PLS3: variants seen among roughly 807,000 people sequenced by gnomAD.
The protein encoded by PLS3 is plastin 3.
A neutral mutation model predicts 46.5 loss-of-function variants in PLS3; 11 were observed. The ratio of observed to expected loss-of-function variants is 0.24; its 90% CI spans 0.15 to 0.39. PLS3 has a LOEUF of 0.39. Among genes scored for constraint, PLS3 ranks in the 10% least tolerant of loss-of-function variants. PLS3 has a pLI of 1.00. For synonymous variants in PLS3, 167 were observed against 162.2 expected, an observed-to-expected ratio of 1.03 and a Z score of -0.22; for missense variants, 308 against 461.8, an observed-to-expected ratio of 0.67 and a Z score of 3.05.
At chrX:115,610,940 C>A in intron 2 of PLS3, 1 of 837,282 alleles carries the variant, frequency 1.2e-6, no homozygotes, top group Non-Finnish European at 1.7e-6. Flanking sequence ...GGAGTATTTA[C>A]ATTCCAAATT....
intron 1 of PLS3, among the ~76,000 whole-genome samples, chrX:115,566,457 C>G (rs1311047997): frequency 9.1e-6 from 1 of 109,718 alleles, no homozygotes. Flanking sequence ...GCCGTGATCT[C>G]GGCTCACTGC....
intron 1 of PLS3, among the ~76,000 whole-genome samples, chrX:115,566,397 G>T (rs1402251498): frequency 5.5e-5 from 6 of 109,334 alleles, no homozygotes; most frequent in Non-Finnish European, 1.1e-4. Context: ...GTTTTGTTTT[G>T]TTTTAAAGAC....
chrX:115,630,052 G>T (rs7052987), intron 5 of PLS3, 85 bp downstream of exon 5: 3 of 650,977 alleles, frequency 4.6e-6, no homozygotes, highest in African/African-American at 4.6e-5. Context: ...TGCTTGACAG[G>T]TTCACCTCAA....
chrX:115,589,153 G>A (rs2074329155), intron 1 of PLS3, among the ~76,000 whole-genome samples: 1 of 110,084 alleles, frequency 9.1e-6, no homozygotes, highest in African/African-American at 3.3e-5. Flanking sequence ...TATTTTTTTT[G>A]TAAAGACAGG....
chrX:115,600,661 C>A (rs1159557083), intron 1 of PLS3, among the ~76,000 whole-genome samples: 3 of 112,370 alleles, frequency 2.7e-5, no homozygotes, highest in Non-Finnish European at 5.6e-5. Flanking sequence ...ATAAACTGAA[C>A]CAAGTAGGAC....
intron 1 of PLS3, 41 bp downstream of exon 1, chrX:115,561,301 G>C (rs928125523): frequency 2.7e-5 from 3 of 111,588 alleles, no homozygotes; most frequent in Non-Finnish European, 5.6e-5. Context: ...AGGGGAGCGG[G>C]TTTCCTGGGC....
intron 5 of PLS3, among the ~76,000 whole-genome samples, chrX:115,632,624 C>T (rs782533308): frequency 3.6e-5 from 4 of 111,409 alleles, no homozygotes; most frequent in African/African-American, 1.3e-4. Context: ...TTGAGGCACT[C>T]GGTAAACATT....
intron 1 of PLS3, among the ~76,000 whole-genome samples, chrX:115,588,390 A>C (rs2074323658): frequency 8.9e-6 from 1 of 112,233 alleles, no homozygotes; most frequent in Non-Finnish European, 1.9e-5. Flanking sequence ...CAGATATGAA[A>C]ACCCAGCTTT....
chrX:115,611,683 A>G (rs2074549984), intron 2 of PLS3, among the ~76,000 whole-genome samples: 1 of 111,971 alleles, frequency 8.9e-6, no homozygotes, highest in Non-Finnish European at 1.9e-5. Context: ...CCTCATGTGC[A>G]GCATCTTGGA....
intron 1 of PLS3, among the ~76,000 whole-genome samples, chrX:115,597,195 G>A (rs1203049801): frequency 4.5e-5 from 5 of 111,246 alleles, no homozygotes; most frequent in Non-Finnish European, 9.4e-5. Flanking sequence ...GAAAATTGGA[G>A]ATGGTTTAAT....
At position 115,604,229 on chromosome X, in the gene PLS3, GGAGAT is replaced by G. The variant is rs1372925602; in HGVS notation, c.-8-6008_-8-6004del. Reference sequence around the variant, plus strand: ...TATACTCTGTAGTCAGTAATTATAGGGAGATGAGATAACTTTTCATTTATCCCATG... The same window carrying G: ...TATACTCTGTAGTCAGTAATTATAGGGAGATAACTTTTCATTTATCCCATG... On this transcript the variant is annotated intron_variant, in intron 1 of 15. Transcript: ENST00000355899. Among the ~76,000 whole-genome samples the G allele has an allele frequency of 3.6e-5, 4 of 111,613 alleles. No homozygotes were observed. In the East Asian group the frequency reaches 1.1e-3, roughly 31 times the overall value.
rs1177697818 is a variant in PLS3, at chrX:115,615,634, AT to A, written c.73+5320del. Among the ~76,000 whole-genome samples, 493 of 108,553 alleles carry A rather than the reference AT, an allele frequency of 4.5e-3. 5 individuals carry two copies. Among genetic ancestry groups the A allele is most frequent in the African/African-American group, 0.016 (464 of 29,872 alleles). The allele number at this position is 108,553 out of a possible 115,157, so 94.3% of individuals were successfully genotyped here. On this transcript the variant is annotated intron_variant, in intron 2 of 15. Transcript: ENST00000355899. The stretch of plus-strand genomic sequence containing the variant: ...GTGCAGCACTGGGAGCTGCGTAGTG[AT>A]TTTTTTTTAAGTATCATAATTTTCT...
At chrX:115,568,544 A>C (rs2074191829) in intron 1 of PLS3, among the ~76,000 whole-genome samples, 1 of 111,971 alleles carries the variant, frequency 8.9e-6, no homozygotes, top group South Asian at 3.7e-4. Flanking sequence ...AATTTATTTC[A>C]CTAATTCCAA....
chrX:115,576,220 A>T (rs1047149246), intron 1 of PLS3, among the ~76,000 whole-genome samples: 41 of 112,118 alleles, frequency 3.7e-4, no homozygotes, highest in Admixed American at 2.5e-3. Flanking sequence ...GGGAGTCTTT[A>T]TCTTTTGACC....
At position 115,647,645 on chromosome X, in the gene PLS3, G is replaced by T; in HGVS notation, c.1607G>T (p.Gly536Val). 1 of 1,206,183 alleles carries T rather than the reference G, an allele frequency of 8.3e-7. No individual in the cohort carries two copies. Among genetic ancestry groups the T allele is most frequent in the Non-Finnish European group, 1.1e-6 (1 of 890,865 alleles). The change falls in exon 14 of 16, where the codon GGA becomes GTA. Residue 536 changes from glycine to valine, a missense_variant. Coordinates refer to ENST00000355899, the MANE Select transcript of PLS3 (RefSeq NM_005032.7). ...GTGAACAGAACGTTGAGTGAAGCTGGAAAATCAACTTCCATTCAGAGTTTT... is the reference window on the plus strand; with the variant it reads ...GTGAACAGAACGTTGAGTGAAGCTGTAAAATCAACTTCCATTCAGAGTTTT... ...NWVNRTLSEA[G>V]KSTSIQSFKD...
chrX:115,637,906 C>T (rs782482264), intron 8 of PLS3, among the ~76,000 whole-genome samples: 3 of 111,672 alleles, frequency 2.7e-5, no homozygotes, highest in African/African-American at 9.8e-5. Context: ...TGACCCTGCC[C>T]TCTCTTTTAA....
intron 8 of PLS3, among the ~76,000 whole-genome samples, chrX:115,637,199 TATA>T (rs1228567539): frequency 5.4e-5 from 6 of 111,983 alleles, no homozygotes; most frequent in African/African-American, 1.6e-4. Context: ...TTTATCATAT[TATA>T]ATGCTAATTT....
chrX:115,641,507 G>A (rs1386444763), intron 9 of PLS3, among the ~76,000 whole-genome samples: 1 of 111,057 alleles, frequency 9.0e-6, no homozygotes, highest in Non-Finnish European at 1.9e-5. Context: ...GATTACAGGT[G>A]TGAGCCACCG....
chrX:115,643,558 C>T, intron 10 of PLS3, 50 bp downstream of exon 10: 1 of 678,577 alleles, frequency 1.5e-6, no homozygotes, highest in Non-Finnish European at 2.3e-6. Flanking sequence ...AGTAGAAATA[C>T]ATAGGCCACA....
Sources: allele counts gnomAD v4.1 joint callset (sites outside exome capture counted in the v4.1 genomes callset), GRCh38; gene constraint gnomAD v4.1.1; transcripts MANE v1.5; gene names NCBI Gene and HGNC (gene_info 2026-07-23, HGNC 2026-07-21).